Variants in NUDT16 observed in about 807,000 individuals in gnomAD.
The protein encoded by NUDT16 is U8 snoRNA-decapping enzyme.
A neutral mutation model predicts 11.7 loss-of-function variants in NUDT16; 12 were observed. That is an observed-to-expected ratio of 1.03 (90% CI 0.66 to 1.67). The LOEUF is 1.67. Among genes scored for constraint, NUDT16 ranks in the 40% most tolerant of loss-of-function variants. NUDT16 has a pLI of 0.00. For synonymous variants in NUDT16, 129 were observed against 122.6 expected, an observed-to-expected ratio of 1.05 and a Z score of -0.35; for missense variants, 303 against 268.9, an observed-to-expected ratio of 1.13 and a Z score of -0.89.
chr3:131,382,169 T>C lies in NUDT16; in HGVS notation c.262T>C (p.Phe88Leu). 6.2e-7 allele frequency: 1 copy of C among 1,612,242 alleles called. No homozygotes were observed. The highest frequency in any genetic ancestry group is 8.5e-7 in the Non-Finnish European group (1 of 1,179,450). The part of the protein sequence containing the change: ...REELGEAAAA[F>L]RVERTDYRSS... ...GGAGCTGGGCGAAGCGGCTGCCGCT[T>C]TCCGCGTGGAGCGCACTGACTACCG... Residue 88 changes from phenylalanine (F) to leucine (L), a missense_variant, in exon 2 of 3, where the codon TTC becomes CTC. Phe to Leu is a conservative substitution (Grantham distance 22). Transcript: ENST00000521288.
In NUDT16 at chr3:131,388,158, C is replaced by T. The variant is rs1172301549; in HGVS notation, c.*4817C>T. The T allele has an allele frequency of 6.6e-6, 1 of 152,020 alleles. No homozygotes were observed. The highest frequency in any genetic ancestry group is 1.5e-5 in the Non-Finnish European group (1 of 67,998). 9.4% of individuals were successfully genotyped at this position (152,020 alleles called of 1,614,324 possible). A position where few individuals can be genotyped will look rare whatever the true frequency, so the allele number is the denominator to read the frequency against. ...CTAGGAACAGCAAGAGCATCATCAG[C>T]CCCAGGAAAATCTACCTCTGATATG... is the stretch of plus-strand genomic sequence containing the variant. On this transcript the variant is annotated 3_prime_UTR_variant, in exon 3 of 3. Transcript: ENST00000521288.
At chr3:131,382,712 G>A (rs2097456757) in intron 2 of NUDT16, 1 of 1,404,832 alleles carries the variant, frequency 7.1e-7, no homozygotes, top group Non-Finnish European at 9.2e-7. Context: ...ATGTATGAAG[G>A]TGGTTCTCAA....
chr3:131,382,989 T>G (rs2097457061), intron 2 of NUDT16, 173 bp from the exon 3 acceptor site: 2 of 696,564 alleles, frequency 2.9e-6, no homozygotes, highest in South Asian at 3.9e-5. Flanking sequence ...GATAATATGT[T>G]TTGGGTCATT....
chr3:131,383,166 TG>T lies in NUDT16; in HGVS notation c.416del (p.Gly139AlafsTer14), dbSNP rs1225676381. On this transcript the variant is annotated frameshift_variant, in exon 3 of 3. Coordinates refer to ENST00000521288, the MANE Select transcript of NUDT16 (RefSeq NM_152395.3). LOFTEE classifies it low-confidence loss of function (END_TRUNC). This position sits in a 1 kb window ranked among gnomAD's most constrained non-coding sequence, Gnocchi z 4.4. Reference sequence around the variant, plus strand: ...CCTGTCTCCTTCCTTTTACAGGTGCTGGGCCTGGTGCGAGTGCCCCTGTATA... The same window carrying T: ...CCTGTCTCCTTCCTTTTACAGGTGCTGGCCTGGTGCGAGTGCCCCTGTATA... ...TRAKDHGLEV[L>X]GLVRVPLYTL... The T allele has an allele frequency of 1.9e-6, 3 of 1,611,786 alleles. No homozygotes were observed. In the Admixed American group the frequency reaches 5.0e-5, roughly 27 times the overall value.
chr3:131,383,757 A>T lies in NUDT16; in HGVS notation c.*416A>T. On this transcript the variant is annotated 3_prime_UTR_variant, in exon 3 of 3. Coordinates refer to ENST00000521288, the MANE Select transcript of NUDT16 (RefSeq NM_152395.3). This position sits in a 1 kb window ranked among gnomAD's most constrained non-coding sequence, Gnocchi z 4.4. The stretch of plus-strand genomic sequence containing the variant: ...TGAAGCAAGGGTGAATCCTTCCCAC[A>T]CTCCTCCATGGTTGCCCTCCAGGGT... 2.7e-6 allele frequency: 1 copy of T among 367,352 alleles called. No homozygotes were observed. Among genetic ancestry groups the T allele is most frequent in the South Asian group, 3.0e-5 (1 of 33,826 alleles). 22.8% of individuals were successfully genotyped at this position (367,352 alleles called of 1,614,324 possible). A position where few individuals can be genotyped will look rare whatever the true frequency, so the allele number is the denominator to read the frequency against.
Position 131,386,485 on chromosome 3 carries a change from A to G in NUDT16, c.*3144A>G, listed in dbSNP as rs143046083. 271 of 152,400 alleles carry G rather than the reference A, an allele frequency of 1.8e-3. 1 individual carries two copies. Among genetic ancestry groups the G allele is most frequent in the African/African-American group, 6.1e-3 (253 of 41,564 alleles). 9.4% of individuals were successfully genotyped at this position (152,400 alleles called of 1,614,324 possible). A position where few individuals can be genotyped will look rare whatever the true frequency, so the allele number is the denominator to read the frequency against. ...CTTGACCTCCTTTTCCTTATCTGAA[A>G]TGTTGCTGTGATTCCTGTGGTGAGA... On this transcript the variant is annotated 3_prime_UTR_variant, in exon 3 of 3. Transcript: ENST00000521288.
At position 131,387,139 on chromosome 3, in the gene NUDT16, A is replaced by C. The variant is rs2110662754; in HGVS notation, c.*3798A>C. On this transcript the variant is annotated 3_prime_UTR_variant, in exon 3 of 3. Coordinates refer to ENST00000521288, the MANE Select transcript of NUDT16 (RefSeq NM_152395.3). ...AGCCAGGTAGGGGATTTTATTTACA[A>C]CATGTTCAATTCTGAGGAAGAGGAG... The C allele has an allele frequency of 1.3e-5, 2 of 152,300 alleles. No homozygotes were observed. The highest frequency in any genetic ancestry group is 4.8e-5 in the African/African-American group (2 of 41,558). The allele number at this position is 152,300 out of a possible 1,614,324, so 9.4% of individuals were successfully genotyped here.
rs1453558587 is a variant in NUDT16 at position 131,382,306 on chromosome 3, C to T, written c.399C>T (p.His133=). ...CCGGCGCAACACGCGCCAAGGACCA[C>T]GGGCTGGAGGTGGGACCAGCCTGGG... The part of the protein sequence containing the change: ...VEAGATRAKD[H]GLEVLGLVRV... Residue 133 remains histidine, a synonymous_variant, in exon 2 of 3, where the codon CAC becomes CAT. Coordinates refer to ENST00000521288, the MANE Select transcript of NUDT16 (RefSeq NM_152395.3). The T allele has an allele frequency of 1.9e-6, 3 of 1,612,816 alleles. No homozygotes were observed. The highest frequency in any genetic ancestry group is 1.3e-5 in the African/African-American group (1 of 74,946).
At position 131,387,875 on chromosome 3, in the gene NUDT16, C is replaced by T. The variant is rs568548471; in HGVS notation, c.*4534C>T. On this transcript the variant is annotated 3_prime_UTR_variant, in exon 3 of 3. Transcript: ENST00000521288. ...TTTGAAACCAAAAGAGCAGAATTGC[C>T]CCTAATTGATTTAAGTAAACAGCAA... The T allele has an allele frequency of 1.3e-5, 2 of 152,180 alleles. No homozygotes were observed. Among genetic ancestry groups the T allele is most frequent in the East Asian group, 3.9e-4 (2 of 5,180 alleles). The allele number at this position is 152,180 out of a possible 1,614,324, so 9.4% of individuals were successfully genotyped here.
chr3:131,383,431 T>C lies in NUDT16; in HGVS notation c.*90T>C. 1 of 1,569,196 alleles carries C rather than the reference T, an allele frequency of 6.4e-7. No homozygotes were observed. The highest frequency in any genetic ancestry group is 8.6e-7 in the Non-Finnish European group (1 of 1,159,708). ...GACGTGGGAATGTTTTCTTATTGGA[T>C]CTGAGAGATGATACATGATACCAGA... On this transcript the variant is annotated 3_prime_UTR_variant, in exon 3 of 3. Coordinates refer to ENST00000521288, the MANE Select transcript of NUDT16 (RefSeq NM_152395.3). This position sits in a 1 kb window ranked among gnomAD's most constrained non-coding sequence, Gnocchi z 4.4.
At position 131,386,893 on chromosome 3, in the gene NUDT16, G is replaced by A. The variant is rs1210756832; in HGVS notation, c.*3552G>A. 1 of 152,212 alleles carries A rather than the reference G, an allele frequency of 6.6e-6. No homozygotes were observed. The highest frequency in any genetic ancestry group is 1.5e-5 in the Non-Finnish European group (1 of 68,056). 9.4% of individuals were successfully genotyped at this position (152,212 alleles called of 1,614,324 possible). ...GAGCCGGCCAGTGAAACAGACAAGG[G>A]GAGGGGAAGAGAAGAGGGAAGGCAT... On this transcript the variant is annotated 3_prime_UTR_variant, in exon 3 of 3. Coordinates refer to ENST00000521288, the MANE Select transcript of NUDT16 (RefSeq NM_152395.3).
rs545311089 is a variant in NUDT16 at position 131,388,160 on chromosome 3, C to T, written c.*4819C>T. 2.0e-4 allele frequency: 30 copies of T among 152,106 alleles called. 1 individual carries two copies. The highest frequency in any genetic ancestry group is 3.7e-4 in the Non-Finnish European group (25 of 67,996). 9.4% of individuals were successfully genotyped at this position (152,106 alleles called of 1,614,324 possible). A position where few individuals can be genotyped will look rare whatever the true frequency, so the allele number is the denominator to read the frequency against. On this transcript the variant is annotated 3_prime_UTR_variant, in exon 3 of 3. Transcript: ENST00000521288. ...AGGAACAGCAAGAGCATCATCAGCC[C>T]CAGGAAAATCTACCTCTGATATGGA...
At position 131,381,913 on chromosome 3, in the gene NUDT16, G is replaced by C; in HGVS notation, c.109G>C (p.Gly37Arg). The stretch of plus-strand genomic sequence containing the variant: ...CGCGCCGGACCCTGGGATGCTCTTC[G>C]GCCGCATCCCGCTGCGCTACGCCAT... The part of the protein sequence containing the change: ...LYAPDPGMLF[G>R]RIPLRYAILM... Residue 37 changes from glycine (G) to arginine (R), a missense_variant, in exon 1 of 3, where the codon GGC becomes CGC. Gly to Arg is a moderately radical substitution (Grantham distance 125). Coordinates refer to ENST00000521288, the MANE Select transcript of NUDT16 (RefSeq NM_152395.3). The C allele has an allele frequency of 5.6e-6, 9 of 1,611,662 alleles. No individual in the cohort carries two copies. The highest frequency in any genetic ancestry group is 7.6e-6 in the Non-Finnish European group (9 of 1,179,514).
At position 131,387,460 on chromosome 3, in the gene NUDT16, A is replaced by G. The variant is rs2097460611; in HGVS notation, c.*4119A>G. The G allele has an allele frequency of 6.6e-6, 1 of 152,238 alleles. No individual in the cohort carries two copies. Among genetic ancestry groups the G allele is most frequent in the Non-Finnish European group, 1.5e-5 (1 of 68,052 alleles). The allele number at this position is 152,238 out of a possible 1,614,324, so 9.4% of individuals were successfully genotyped here. ...AACAAGAAAAGGAAGCTCCTCACCA[A>G]CAGCTCCCAGATGGAGGGAGTTTGT... On this transcript the variant is annotated 3_prime_UTR_variant, in exon 3 of 3. Coordinates refer to ENST00000521288, the MANE Select transcript of NUDT16 (RefSeq NM_152395.3).
rs1378522401 is a variant in NUDT16, at chr3:131,382,178, G to A, written c.271G>A (p.Glu91Lys). The A allele has an allele frequency of 6.2e-7, 1 of 1,612,320 alleles. No individual in the cohort carries two copies. The highest frequency in any genetic ancestry group is 8.5e-7 in the Non-Finnish European group (1 of 1,179,506). Residue 91 changes from glutamate to lysine, a missense_variant, in exon 2 of 3, where the codon GAG becomes AAG. Coordinates refer to ENST00000521288, the MANE Select transcript of NUDT16 (RefSeq NM_152395.3). ...CGAAGCGGCTGCCGCTTTCCGCGTG[G>A]AGCGCACTGACTACCGCAGCTCCCA... is the stretch of plus-strand genomic sequence containing the variant. Reference protein sequence around the residue: ...LGEAAAAFRVERTDYRSSHVG... With the variant: ...LGEAAAAFRVKRTDYRSSHVG...
At position 131,382,358 on chromosome 3, in the gene NUDT16, TCTC is replaced by T. The variant is rs757603922; in HGVS notation, c.408+45_408+47del. 8 of 1,610,074 alleles carry T rather than the reference TCTC, an allele frequency of 5.0e-6. No individual in the cohort carries two copies. In the East Asian group the frequency reaches 1.1e-4, roughly 22 times the overall value. ...CTCTGTCCCTTTCCCAATTTCCTCT[TCTC>T]CCAAAGCTTTCTCTCCCCCAAGAAA... is the stretch of plus-strand genomic sequence containing the variant. On this transcript the variant is annotated intron_variant, in intron 2 of 2. Transcript: ENST00000521288.
chr3:131,381,855 G>T lies in NUDT16; in HGVS notation c.51G>T (p.Ser17=), dbSNP rs16836554. The T allele has an allele frequency of 0.019, 29,883 of 1,601,010 alleles. 4,439 individuals are homozygous for T. In the African/African-American group the frequency reaches 0.34, roughly 18 times the overall value. Residue 17 remains serine, a synonymous_variant, in exon 1 of 3, where the codon TCG becomes TCT. Transcript: ENST00000521288. ...TAGGCGAGGCCCTGGCGCTGGGGTC[G>T]GGCTGGCGTCATGCGTGCCACGCTC... The part of the protein sequence containing the change: ...LELGEALALG[S]GWRHACHALL...
chr3:131,382,826 T>A, intron 2 of NUDT16: 1 of 878,084 alleles, frequency 1.1e-6, no homozygotes, highest in Non-Finnish European at 1.6e-6. Flanking sequence ...ACCTGAGAAT[T>A]TGTAGTTTTC....
rs937783090 is a variant in NUDT16, at chr3:131,381,860, G to T, written c.56G>T (p.Trp19Leu). 11 of 1,603,810 alleles carry T rather than the reference G, an allele frequency of 6.9e-6. No homozygotes were observed. The highest frequency in any genetic ancestry group is 9.3e-6 in the Non-Finnish European group (11 of 1,178,876). The part of the protein sequence containing the change: ...LGEALALGSG[W>L]RHACHALLYA... ...GAGGCCCTGGCGCTGGGGTCGGGCT[G>T]GCGTCATGCGTGCCACGCTCTCCTC... Residue 19 changes from tryptophan to leucine, a missense_variant, in exon 1 of 3, where the codon TGG becomes TTG. Coordinates refer to ENST00000521288, the MANE Select transcript of NUDT16 (RefSeq NM_152395.3).
Sources: allele counts gnomAD v4.1 joint callset, GRCh38; gene constraint gnomAD v4.1.1; non-coding constraint Gnocchi (gnomAD v3.1); transcripts MANE v1.5; gene names NCBI Gene and HGNC (gene_info 2026-07-23, HGNC 2026-07-21).